The following EVA1C variants were observed in gnomAD, a reference collection of about 807,000 sequenced individuals.
The protein encoded by EVA1C is eva-1 homolog C, also known as protein eva-1 homolog C.
In EVA1C, 25 loss-of-function variants were observed where a neutral mutation model predicts 45.4. The observed-to-expected ratio is 0.55, with a 90% CI of 0.40 to 0.77. The LOEUF (loss-of-function observed/expected upper bound fraction) is 0.77. Among genes scored for constraint, EVA1C ranks in the 30% least tolerant of loss-of-function variants. The pLI is 0.00. For missense variants in EVA1C, 479 were observed against 554.8 expected, an observed-to-expected ratio of 0.86 and a Z score of 1.37; for synonymous variants, 190 against 221.2, an observed-to-expected ratio of 0.86 and a Z score of 1.25.
chr21:32,430,943 A>G (rs1292570961), intron 1 of EVA1C, among the ~76,000 whole-genome samples: 1 of 132,264 alleles, frequency 7.6e-6, no homozygotes, highest in Non-Finnish European at 1.5e-5. Flanking sequence ...ACTGCACTCC[A>G]GCCTCGGCAA....
At position 32,453,295 on chromosome 21, in the gene EVA1C, G is replaced by T. The variant is rs550979526; in HGVS notation, c.161-17G>T. The T allele has an allele frequency of 4.7e-5, 74 of 1,580,066 alleles. No individual in the cohort carries two copies. In the Admixed American group the frequency reaches 6.2e-4, roughly 13 times the overall value. The stretch of plus-strand genomic sequence containing the variant: ...TGGGTTCCTGGGCCTCTAGTAACTC[G>T]ACTGAATATTTTCCAGGTTACCTAA... On this transcript the variant is annotated splice_polypyrimidine_tract_variant and intron_variant, in intron 1 of 7. Coordinates refer to ENST00000300255, the MANE Select transcript of EVA1C (RefSeq NM_058187.5).
intron 4 of EVA1C, 47 bp downstream of exon 4, chr21:32,467,895 G>T: frequency 8.1e-7 from 1 of 1,227,764 alleles, no homozygotes; most frequent in Non-Finnish European, 1.1e-6. Context: ...TAGAGGGACA[G>T]AATTAATAGA....
At chr21:32,476,042 T>G (rs1219417083) in intron 4 of EVA1C, among the ~76,000 whole-genome samples, 1 of 152,186 alleles carries the variant, frequency 6.6e-6, no homozygotes, top group Non-Finnish European at 1.5e-5. Flanking sequence ...ATGTGGTTTT[T>G]ATTTTGCCTT....
chr21:32,494,718 G>A (rs1306452791), intron 4 of EVA1C, among the ~76,000 whole-genome samples: 1 of 151,734 alleles, frequency 6.6e-6, no homozygotes, highest in Non-Finnish European at 1.5e-5. Flanking sequence ...GGGAGGCAGA[G>A]GTTGCAGTGA....
chr21:32,443,860 G>A (rs186593234), intron 1 of EVA1C, among the ~76,000 whole-genome samples: 158 of 152,190 alleles, frequency 1.0e-3, no homozygotes, highest in African/African-American at 3.4e-3. Flanking sequence ...TCCAAATTCC[G>A]GAAAGGTAAC....
intron 7 of EVA1C, among the ~76,000 whole-genome samples, chr21:32,511,380 C>T (rs1395666799): frequency 1.7e-5 from 2 of 119,168 alleles, no homozygotes; most frequent in Non-Finnish European, 3.2e-5. Flanking sequence ...GATCATGCCA[C>T]TTACACTCCA....
intron 5 of EVA1C, among the ~76,000 whole-genome samples, chr21:32,501,067 C>T (rs1256514842): frequency 5.3e-5 from 8 of 152,208 alleles, no homozygotes; most frequent in Admixed American, 5.2e-4. Flanking sequence ...TCCACCTCGA[C>T]CTCCCGAAGT....
At chr21:32,467,621 A>G (rs1380780636) in intron 3 of EVA1C, 75 bp from the exon 4 acceptor site, 3 of 1,438,930 alleles carry the variant, frequency 2.1e-6, no homozygotes, top group South Asian at 1.4e-5. Context: ...GAAATGAGCA[A>G]TGGGACTTGG....
chr21:32,412,223 C>CGGCGGGT (rs2033846101), upstream of EVA1C: 1 of 152,280 alleles, frequency 6.6e-6, no homozygotes, highest in African/African-American at 2.4e-5. Flanking sequence ...ACGTGGCGCG[C>CGGCGGGT]GGCGGGTGGC....
chr21:32,477,226 G>C (rs1488083012), intron 4 of EVA1C, among the ~76,000 whole-genome samples: 1 of 152,024 alleles, frequency 6.6e-6, no homozygotes, highest in Non-Finnish European at 1.5e-5. Flanking sequence ...CAGATACCAG[G>C]TTTCTCTTCA....
chr21:32,451,447 C>G (rs541624487), intron 1 of EVA1C, among the ~76,000 whole-genome samples: 1 of 152,318 alleles, frequency 6.6e-6, no homozygotes, highest in Non-Finnish European at 1.5e-5. Flanking sequence ...CCTGCGCCTG[C>G]TGGGCCTCAG....
At chr21:32,493,011 C>G (rs1265058429) in intron 4 of EVA1C, among the ~76,000 whole-genome samples, 1 of 152,106 alleles carries the variant, frequency 6.6e-6, no homozygotes, top group Non-Finnish European at 1.5e-5. Flanking sequence ...TACAAACAGC[C>G]TATCTCATAA....
chr21:32,475,901 A>AC lies in EVA1C; in HGVS notation c.634+8053_634+8054insC, dbSNP rs2036542460. On this transcript the variant is annotated intron_variant, in intron 4 of 7. Transcript: ENST00000300255. ...ACTTTATCTATCTATCTATCTATCT[A>AC]TCTATCTATCTATCTATCTATCTAT... Among the ~76,000 whole-genome samples, 9 of 150,182 alleles carry AC rather than the reference A, an allele frequency of 6.0e-5. No individual in the cohort carries two copies. The South Asian group carries it at 1.1e-3, about 18-fold the overall frequency.
intron 4 of EVA1C, among the ~76,000 whole-genome samples, chr21:32,482,046 G>A (rs1469369954): frequency 1.3e-5 from 2 of 152,110 alleles, no homozygotes; most frequent in Non-Finnish European, 2.9e-5. Context: ...ATTCACATGC[G>A]AGGGCGCTGG....
chr21:32,423,575 G>A (rs1400953690), intron 1 of EVA1C, among the ~76,000 whole-genome samples: 1 of 152,022 alleles, frequency 6.6e-6, no homozygotes, highest in Non-Finnish European at 1.5e-5. Context: ...GGAACTGAGT[G>A]TTTGGAAGTA....
chr21:32,499,132 C>A (rs1302055539), intron 5 of EVA1C, among the ~76,000 whole-genome samples: 1 of 152,212 alleles, frequency 6.6e-6, no homozygotes, highest in Non-Finnish European at 1.5e-5. Context: ...AATTCTGATT[C>A]TTTCTCAAAC....
At chr21:32,507,539 TGC>T (rs747410598) in intron 7 of EVA1C, among the ~76,000 whole-genome samples, 31 of 120,410 alleles carry the variant, frequency 2.6e-4, no homozygotes, top group South Asian at 1.0e-3. Flanking sequence ...TGTGCATGTG[TGC>T]GTCTGTATGT....
rs55688415 is a variant in EVA1C at position 32,483,962 on chromosome 21, ATGTGTG to A, written c.635-11033_635-11028del. 8.4e-3 allele frequency among the ~76,000 whole-genome samples: 1,237 copies of A among 147,336 alleles called. 18 individuals are homozygous for A. Among genetic ancestry groups the A allele is most frequent in the East Asian group, 0.021 (106 of 4,972 alleles). On this transcript the variant is annotated intron_variant, in intron 4 of 7. Coordinates refer to ENST00000300255, the MANE Select transcript of EVA1C (RefSeq NM_058187.5). ...TTTATGATAATGTTCCTCACTGTTT[ATGTGTG>A]TGTGTGTGTGTGTGTGTGTGTGTGT...
chr21:32,436,892 GCT>G (rs1278606617), intron 1 of EVA1C, among the ~76,000 whole-genome samples: 1 of 152,194 alleles, frequency 6.6e-6, no homozygotes, highest in African/African-American at 2.4e-5. Context: ...GGGTGCAGTG[GCT>G]CATGCCTGTA....
Sources: gnomAD v4.1 joint callset for allele counts (sites outside exome capture counted in the v4.1 genomes callset) on GRCh38, gnomAD v4.1.1 for gene constraint, MANE v1.5 for transcripts, NCBI Gene and HGNC (gene_info 2026-07-23, HGNC 2026-07-21) for gene names.